Variants in ROBO1 observed in about 807,000 individuals in gnomAD.
The protein encoded by ROBO1 is roundabout homolog 1.
A neutral mutation model predicts 195.9 loss-of-function variants in ROBO1; 149 were observed. The ratio of observed to expected loss-of-function variants is 0.76; its 90% CI spans 0.67 to 0.87. The LOEUF (loss-of-function observed/expected upper bound fraction) is 0.87. Ranked by LOEUF, ROBO1 falls within the 40% of genes least tolerant of loss-of-function variation. ROBO1 has a pLI of 0.00. For synonymous variants in ROBO1, 816 were observed against 733.2 expected (o/e 1.11, Z -1.82); for missense variants, 1,933 against 2,068.3 (o/e 0.93, Z 1.27).
At chr3:79,666,029 A>G (rs1463586573) in intron 1 of ROBO1, among the ~76,000 whole-genome samples, 1 of 151,964 alleles carries the variant, frequency 6.6e-6, no homozygotes, top group East Asian at 1.9e-4. Context: ...AAAGTTATCT[A>G]AAATAAAAAA....
At chr3:79,687,812 C>A (rs563183430) in intron 1 of ROBO1, among the ~76,000 whole-genome samples, 1 of 152,116 alleles carries the variant, frequency 6.6e-6, no homozygotes, top group Admixed American at 6.6e-5. Flanking sequence ...GTCAGTGTAA[C>A]GATTCCTCAG....
chr3:78,657,181 G>A lies in ROBO1; in HGVS notation c.2531C>T (p.Pro844Leu). The A allele has an allele frequency of 1.2e-6, 2 of 1,613,266 alleles. No homozygotes were observed. The highest frequency in any genetic ancestry group is 1.7e-6 in the Non-Finnish European group (2 of 1,179,594). ...CACTTCCACACTGTATCGGATTCCA[G>A]GAACAAGAAAGGGAATGACCACGGA... ...TFSVVIPFLVPGIRYSVEVAA... is the reference protein window; with the variant it reads ...TFSVVIPFLVLGIRYSVEVAA... Residue 844 changes from proline (P) to leucine (L), a missense_variant, in exon 18 of 31, where the codon CCT becomes CTT. Pro to Leu is a moderately conservative substitution (Grantham distance 98). Transcript: ENST00000464233.
At chr3:78,855,086 T>A (rs1350296958) in intron 4 of ROBO1, among the ~76,000 whole-genome samples, 2 of 152,026 alleles carry the variant, frequency 1.3e-5, no homozygotes, top group African/African-American at 4.8e-5. Flanking sequence ...AAGCACATGA[T>A]TTATCCCTTC....
At chr3:79,756,085 TTG>T (rs1430502543) in intron 1 of ROBO1, among the ~76,000 whole-genome samples, 1 of 152,230 alleles carries the variant, frequency 6.6e-6, no homozygotes, top group Non-Finnish European at 1.5e-5. Flanking sequence ...TTAAATATAC[TTG>T]TTTAGTATAT....
At chr3:78,667,516 ATTCT>A (rs1169796300) in intron 14 of ROBO1, among the ~76,000 whole-genome samples, 2 of 151,050 alleles carry the variant, frequency 1.3e-5, no homozygotes, top group African/African-American at 4.9e-5. Flanking sequence ...AGATCTAACT[ATTCT>A]TTTTTTTGTA....
intron 2 of ROBO1, among the ~76,000 whole-genome samples, chr3:79,495,636 G>A (rs551419709): frequency 6.6e-6 from 1 of 152,162 alleles, no homozygotes; most frequent in South Asian, 2.1e-4. Context: ...ATTCATTGTT[G>A]AGAGTTGATA....
At chr3:79,355,719 G>A (rs1055619816) in intron 2 of ROBO1, among the ~76,000 whole-genome samples, 28 of 152,192 alleles carry the variant, frequency 1.8e-4, no homozygotes, top group African/African-American at 6.7e-4. Context: ...GTTCATCCAT[G>A]TCGCTGCAAA....
At chr3:79,590,541 A>G (rs1410905728) in intron 1 of ROBO1, among the ~76,000 whole-genome samples, 1 of 151,826 alleles carries the variant, frequency 6.6e-6, no homozygotes, top group Non-Finnish European at 1.5e-5. Flanking sequence ...AACAAAGCTT[A>G]TAATATTTGG....
intron 2 of ROBO1, among the ~76,000 whole-genome samples, chr3:79,480,595 A>C (rs1259033890): frequency 1.3e-5 from 2 of 152,090 alleles, no homozygotes; most frequent in African/African-American, 4.8e-5. Flanking sequence ...ATTTCCAGCA[A>C]ATATACAAAA....
chr3:78,731,046 T>C (rs2082274662), intron 5 of ROBO1, among the ~76,000 whole-genome samples: 1 of 152,120 alleles, frequency 6.6e-6, no homozygotes, highest in Non-Finnish European at 1.5e-5. Context: ...AAACTCATCC[T>C]GACCATTTCT....
intron 4 of ROBO1, among the ~76,000 whole-genome samples, chr3:78,882,098 TTTTTA>T (rs2036217580): frequency 1.3e-5 from 2 of 152,138 alleles, no homozygotes; most frequent in Non-Finnish European, 2.9e-5. Context: ...CTTTTCTTAT[TTTTTA>T]TTTTAAAGTT....
intron 2 of ROBO1, among the ~76,000 whole-genome samples, chr3:79,540,509 C>T (rs1344610489): frequency 1.3e-5 from 2 of 152,062 alleles, no homozygotes; most frequent in African/African-American, 2.4e-5. Flanking sequence ...ATAACCCAAG[C>T]TCCAACTCCA....
intron 3 of ROBO1, among the ~76,000 whole-genome samples, chr3:79,046,895 A>G (rs1023270211): frequency 1.3e-5 from 2 of 152,122 alleles, no homozygotes; most frequent in African/African-American, 4.8e-5. Context: ...CTTTGAGATA[A>G]TGTTTGTTAT....
chr3:79,591,127 T>G (rs1390979209), intron 1 of ROBO1, among the ~76,000 whole-genome samples: 3 of 151,858 alleles, frequency 2.0e-5, no homozygotes, highest in African/African-American at 7.2e-5. Context: ...CTTAATCTTT[T>G]AACAATAGTT....
intron 3 of ROBO1, among the ~76,000 whole-genome samples, chr3:79,034,542 A>G (rs1559609501): frequency 6.6e-6 from 1 of 152,176 alleles, no homozygotes; most frequent in Non-Finnish European, 1.5e-5. Context: ...TTTCATATAT[A>G]GTAAAAGATG....
intron 2 of ROBO1, among the ~76,000 whole-genome samples, chr3:79,425,860 C>G (rs554088138): frequency 6.6e-6 from 1 of 152,262 alleles, no homozygotes; most frequent in Non-Finnish European, 1.5e-5. Flanking sequence ...GGATTTCACA[C>G]GCTCTCACTT....
chr3:79,009,285 T>G (rs2108198843), intron 3 of ROBO1, among the ~76,000 whole-genome samples: 1 of 151,906 alleles, frequency 6.6e-6, no homozygotes, highest in East Asian at 1.9e-4. Flanking sequence ...GTAAAAACCT[T>G]AATAAGAACC....
At chr3:79,695,942 T>A (rs945017896) in intron 1 of ROBO1, among the ~76,000 whole-genome samples, 6 of 151,536 alleles carry the variant, frequency 4.0e-5, no homozygotes, top group Admixed American at 1.3e-4. Context: ...ATAGGTTTTT[T>A]TTCCCCCCAA....
intron 4 of ROBO1, among the ~76,000 whole-genome samples, chr3:78,846,506 G>C (rs1033261929): frequency 2.6e-5 from 4 of 151,870 alleles, no homozygotes; most frequent in African/African-American, 9.7e-5. Flanking sequence ...TTTCACGATG[G>C]CATCTTTTCA....
Sources: allele counts gnomAD v4.1 joint callset (sites outside exome capture counted in the v4.1 genomes callset), GRCh38; gene constraint gnomAD v4.1.1; transcripts MANE v1.5; gene names NCBI Gene and HGNC (gene_info 2026-07-23, HGNC 2026-07-21).